Variants in HRH1 observed in about 807,000 individuals in gnomAD.
HRH1 encodes histamine H1 receptor.
A neutral mutation model predicts 10.3 loss-of-function variants in HRH1; 6 were observed. The observed-to-expected ratio is 0.58, with a 90% CI of 0.32 to 1.15. The LOEUF (loss-of-function observed/expected upper bound fraction) is 1.15. HRH1 is among the 50% of genes most tolerant of loss of function. The probability of loss-of-function intolerance (pLI) is 0.05; values close to 1 mark genes in which losing one functional copy is unlikely to be tolerated. For missense variants in HRH1, 514 were observed against 615.3 expected (o/e 0.84, Z 1.74); for synonymous variants, 242 against 236.7 (o/e 1.02, Z -0.21).
At chr3:11,207,400 T>G (rs1479118111) in intron 1 of HRH1, among the ~76,000 whole-genome samples, 1 of 151,578 alleles carries the variant, frequency 6.6e-6, no homozygotes, top group Non-Finnish European at 1.5e-5. Context: ...CCGTCTCTAC[T>G]TAAAAAAAAA....
chr3:11,152,057 T>C (rs1936641862), upstream of HRH1, among the ~76,000 whole-genome samples: 1 of 152,174 alleles, frequency 6.6e-6, no homozygotes, highest in African/African-American at 2.4e-5. Flanking sequence ...AGGCTCCAGA[T>C]CTGGCTCAGC....
chr3:11,169,607 G>A (rs986501208), intron 1 of HRH1, among the ~76,000 whole-genome samples: 3 of 152,028 alleles, frequency 2.0e-5, no homozygotes, highest in African/African-American at 4.8e-5. Flanking sequence ...CCCCTATGAG[G>A]TTTGGGCAGG....
intron 1 of HRH1, among the ~76,000 whole-genome samples, chr3:11,139,842 A>T (rs1318489760): frequency 6.6e-6 from 1 of 152,176 alleles, no homozygotes; most frequent in Non-Finnish European, 1.5e-5. Flanking sequence ...GGGGGGAATT[A>T]GGAGTTATGG....
chr3:11,153,858 G>A (rs536989287), upstream of HRH1, among the ~76,000 whole-genome samples: 27 of 152,194 alleles, frequency 1.8e-4, no homozygotes, highest in Non-Finnish European at 2.8e-4. Flanking sequence ...GACGGGCTAG[G>A]GAGAAACAGA....
At chr3:11,225,153 T>C (rs12496842) in intron 1 of HRH1, among the ~76,000 whole-genome samples, 15,255 of 152,200 alleles carry the variant, frequency 0.1, 1,457 homozygotes, top group African/African-American at 0.25. Context: ...TGGAACTCAT[T>C]TGTGAGTTCT....
chr3:11,245,363 A>G (rs373294181), intron 1 of HRH1, among the ~76,000 whole-genome samples: 6 of 144,580 alleles, frequency 4.1e-5, no homozygotes, highest in South Asian at 2.2e-4. Context: ...AAAAAAAAAA[A>G]TAGAGAAACC....
chr3:11,194,952 G>A (rs1575001364), intron 1 of HRH1, among the ~76,000 whole-genome samples: 2 of 152,192 alleles, frequency 1.3e-5, no homozygotes, highest in Admixed American at 1.3e-4. Flanking sequence ...TAAAACAACA[G>A]CTTCTTTGTG....
At chr3:11,140,373 A>G (rs978409232) in intron 1 of HRH1, among the ~76,000 whole-genome samples, 2 of 152,066 alleles carry the variant, frequency 1.3e-5, no homozygotes, top group Non-Finnish European at 2.9e-5. Flanking sequence ...TTTGGCCCCA[A>G]TACCAAGACC....
At chr3:11,192,106 T>A (rs1050210987) in intron 1 of HRH1, among the ~76,000 whole-genome samples, 2 of 152,216 alleles carry the variant, frequency 1.3e-5, no homozygotes, top group African/African-American at 4.8e-5. Context: ...CATGGACCTT[T>A]ATTAGTAGCA....
At chr3:11,225,010 G>C (rs1938837292) in intron 1 of HRH1, among the ~76,000 whole-genome samples, 1 of 152,162 alleles carries the variant, frequency 6.6e-6, no homozygotes, top group Non-Finnish European at 1.5e-5. Flanking sequence ...AGTAGGCAAC[G>C]TCAAAGTGGA....
At chr3:11,154,186 C>A (rs896528164), upstream of HRH1, among the ~76,000 whole-genome samples, 2 of 152,160 alleles carry the variant, frequency 1.3e-5, no homozygotes, top group Non-Finnish European at 2.9e-5. This position sits in a 1 kb window ranked among gnomAD's most constrained non-coding sequence, Gnocchi z 4.4. Context: ...ACCCTTCTGC[C>A]ACCCCTCCTT....
rs554215812 is a variant in HRH1 at position 11,233,454 on chromosome 3, C to T, written c.-35-25549C>T. Among the ~76,000 whole-genome samples, 18 of 152,020 alleles carry T rather than the reference C, an allele frequency of 1.2e-4. No individual in the cohort carries two copies. In the South Asian group the frequency reaches 2.9e-3, roughly 25 times the overall value. Reference sequence around the variant, plus strand: ...GTTTTTCAGGTAGAAATCATGTTTCCTTTTAATTGAATACTTAGTTCACGT... The same window carrying T: ...GTTTTTCAGGTAGAAATCATGTTTCTTTTTAATTGAATACTTAGTTCACGT... On this transcript the variant is annotated intron_variant, in intron 1 of 1. Coordinates refer to ENST00000431010, the MANE Select transcript of HRH1 (RefSeq NM_001098212.2).
chr3:11,232,386 C>A (rs1308537093), intron 1 of HRH1, among the ~76,000 whole-genome samples: 1 of 152,150 alleles, frequency 6.6e-6, no homozygotes, highest in Non-Finnish European at 1.5e-5. Context: ...TTTCTCTCCT[C>A]CATTAAATTA....
intron 1 of HRH1, among the ~76,000 whole-genome samples, chr3:11,199,600 G>A (rs1937821091): frequency 6.6e-6 from 1 of 152,174 alleles, no homozygotes; most frequent in Non-Finnish European, 1.5e-5. Flanking sequence ...GTAATTGCCT[G>A]CCTGCCTATC....
intron 1 of HRH1, among the ~76,000 whole-genome samples, chr3:11,189,924 T>C (rs1444597081): frequency 6.6e-6 from 1 of 152,056 alleles, no homozygotes; most frequent in Non-Finnish European, 1.5e-5. Context: ...CACTCCAGCC[T>C]GGGTGACAGA....
intron 1 of HRH1, among the ~76,000 whole-genome samples, chr3:11,211,375 A>T (rs1938322039): frequency 6.6e-6 from 1 of 152,234 alleles, no homozygotes; most frequent in South Asian, 2.1e-4. Context: ...TATTCCAGTA[A>T]ATTACAGTAA....
At chr3:11,201,091 G>C (rs555052701) in intron 1 of HRH1, among the ~76,000 whole-genome samples, 3 of 152,336 alleles carry the variant, frequency 2.0e-5, no homozygotes, top group South Asian at 4.1e-4. Flanking sequence ...GGATTCGCTA[G>C]AGAAAGGTAT....
intron 1 of HRH1, among the ~76,000 whole-genome samples, chr3:11,237,993 G>A (rs1183284263): frequency 6.6e-6 from 1 of 152,060 alleles, no homozygotes; most frequent in African/African-American, 2.4e-5. Flanking sequence ...TGCTTTTTGA[G>A]GTCAGAAAGT....
At chr3:11,160,738 G>A (rs745920959) in intron 1 of HRH1, among the ~76,000 whole-genome samples, 6 of 152,176 alleles carry the variant, frequency 3.9e-5, no homozygotes, top group Admixed American at 6.5e-5. Context: ...CTCAGGGCAC[G>A]TAACCTGGAA....
Sources: allele counts gnomAD v4.1 joint callset (sites outside exome capture counted in the v4.1 genomes callset), GRCh38; gene constraint gnomAD v4.1.1; non-coding constraint Gnocchi (gnomAD v3.1); transcripts MANE v1.5; gene names NCBI Gene and HGNC (gene_info 2026-07-23, HGNC 2026-07-21).